The following GRAMD2B variants were observed in gnomAD, a reference collection of about 807,000 sequenced individuals.
The protein encoded by GRAMD2B is GRAM domain containing 2B, also known as GRAM domain-containing protein 2B.
In GRAMD2B, 41 loss-of-function variants were observed where a neutral mutation model predicts 59.2. That is an observed-to-expected ratio of 0.69 (90% CI 0.54 to 0.90). The LOEUF (loss-of-function observed/expected upper bound fraction) is 0.90, where lower values mean the gene tolerates loss of function less well. GRAMD2B is among the 40% of genes least tolerant of loss of function. GRAMD2B has a pLI of 0.00. For synonymous variants in GRAMD2B, 161 were observed against 182.7 expected (o/e 0.88, Z 0.96); for missense variants, 424 against 500.5 (o/e 0.85, Z 1.46).
At chr5:126,378,344 G>C (rs1580702376) in intron 1 of GRAMD2B, among the ~76,000 whole-genome samples, 1 of 152,292 alleles carries the variant, frequency 6.6e-6, no homozygotes, top group South Asian at 2.1e-4. Context: ...TGTAGAATAT[G>C]TCAGACAGTT....
chr5:126,370,635 T>C (rs1273859923), upstream of GRAMD2B, among the ~76,000 whole-genome samples: 1 of 152,228 alleles, frequency 6.6e-6, no homozygotes, highest in Non-Finnish European at 1.5e-5. Flanking sequence ...CTACTGCATA[T>C]TCTCCTACGT....
intron 1 of GRAMD2B, among the ~76,000 whole-genome samples, chr5:126,418,364 G>A (rs1396923322): frequency 6.6e-6 from 1 of 152,208 alleles, no homozygotes; most frequent in African/African-American, 2.4e-5. Context: ...TGAACTGGAA[G>A]AGTTTTTTTT....
rs189175651 is a variant in GRAMD2B at position 126,488,041 on chromosome 5, T to C, written c.1164-758T>C. Among the ~76,000 whole-genome samples, 2 of 152,366 alleles carry C rather than the reference T, an allele frequency of 1.3e-5. 1 individual carries two copies. Among genetic ancestry groups the C allele is most frequent in the Admixed American group, 1.3e-4 (2 of 15,306 alleles). On this transcript the variant is annotated intron_variant, in intron 12 of 13. Coordinates refer to ENST00000285689, the MANE Select transcript of GRAMD2B (RefSeq NM_023927.4). ...GGTCTGAGCTCTATACTTTGAGAAA[T>C]ACTGTGTTATACCATTCTAGGACCT... is the stretch of plus-strand genomic sequence containing the variant.
At chr5:126,377,627 G>C (rs1314799970) in intron 1 of GRAMD2B, among the ~76,000 whole-genome samples, 2 of 152,180 alleles carry the variant, frequency 1.3e-5, no homozygotes, top group Non-Finnish European at 2.9e-5. Context: ...GGTATTTGTG[G>C]AATCTATTTG....
At chr5:126,448,724 T>TACA (rs932771938) in intron 1 of GRAMD2B, among the ~76,000 whole-genome samples, 2 of 152,132 alleles carry the variant, frequency 1.3e-5, no homozygotes, top group African/African-American at 4.8e-5. Flanking sequence ...AGGTAAAGTC[T>TACA]ACAGGTCTTG....
intron 1 of GRAMD2B, among the ~76,000 whole-genome samples, chr5:126,399,988 C>T (rs1757685904): frequency 6.6e-6 from 1 of 151,888 alleles, no homozygotes. Context: ...ATCAATAATA[C>T]AGGACTCATT....
At chr5:126,450,140 T>C (rs965727514) in intron 1 of GRAMD2B, among the ~76,000 whole-genome samples, 2 of 152,030 alleles carry the variant, frequency 1.3e-5, no homozygotes. Flanking sequence ...GCTGTAGTTA[T>C]CGTAGATGCC....
At chr5:126,361,130 C>A (rs1474411241) in intron 1 of GRAMD2B, among the ~76,000 whole-genome samples, 1 of 152,122 alleles carries the variant, frequency 6.6e-6, no homozygotes, top group Non-Finnish European at 1.5e-5. Context: ...ATTATTCTGA[C>A]TATAATTGCT....
Position 126,492,902 on chromosome 5 carries a change from C to T in GRAMD2B, c.1258-13C>T, listed in dbSNP as rs780554561. On this transcript the variant is annotated splice_polypyrimidine_tract_variant and intron_variant, in intron 13 of 13. Transcript: ENST00000285689. The stretch of plus-strand genomic sequence containing the variant: ...CTATTTAATAATAGGAACTTCTTTT[C>T]TTTTATTTCAAGATACAAAATAACT... The T allele has an allele frequency of 1.9e-6, 3 of 1,576,128 alleles. No homozygotes were observed. In the African/African-American group the frequency reaches 4.0e-5, roughly 21 times the overall value.
At chr5:126,360,548 C>G in intron 1 of GRAMD2B, 1 of 1,264,908 alleles carries the variant, frequency 7.9e-7, no homozygotes, top group Non-Finnish European at 1.1e-6. Flanking sequence ...ATCTTAAGGA[C>G]AGAGTGTCTC....
At chr5:126,448,413 A>G (rs914711447) in intron 1 of GRAMD2B, among the ~76,000 whole-genome samples, 28 of 152,136 alleles carry the variant, frequency 1.8e-4, no homozygotes, top group Admixed American at 1.5e-3. Flanking sequence ...GTTCAAAGCC[A>G]GAAAGGGAGG....
intron 1 of GRAMD2B, among the ~76,000 whole-genome samples, chr5:126,411,964 T>C (rs1307413527): frequency 6.6e-6 from 1 of 152,060 alleles, no homozygotes; most frequent in Non-Finnish European, 1.5e-5. Context: ...TGATTTTGTA[T>C]CCTGAAACTT....
intron 1 of GRAMD2B, among the ~76,000 whole-genome samples, chr5:126,379,790 GTACATTCTGGA>G (rs1263541299): frequency 1.3e-5 from 2 of 152,078 alleles, no homozygotes; most frequent in African/African-American, 2.4e-5. Context: ...TGATTTCCTT[GTACATTCTGGA>G]TATCAGTCCT....
intron 13 of GRAMD2B, among the ~76,000 whole-genome samples, chr5:126,490,859 A>G (rs569632188): frequency 9.7e-4 from 148 of 152,256 alleles, no homozygotes; most frequent in African/African-American, 3.5e-3. Context: ...CTGCTCTTTC[A>G]GTCATCCTCA....
chr5:126,394,207 A>C (rs546055846), intron 1 of GRAMD2B, among the ~76,000 whole-genome samples: 1 of 151,834 alleles, frequency 6.6e-6, no homozygotes, highest in African/African-American at 2.4e-5. Context: ...CCCGGGAGGC[A>C]GAGCTTGCAG....
chr5:126,486,984 C>T lies in GRAMD2B; in HGVS notation c.1163+7C>T, dbSNP rs769976498. 3 of 1,461,580 alleles carry T rather than the reference C, an allele frequency of 2.1e-6. No individual in the cohort carries two copies. Among genetic ancestry groups the T allele is most frequent in the African/African-American group, 1.4e-5 (1 of 71,674 alleles). 90.5% of individuals were successfully genotyped at this position (1,461,580 alleles called of 1,614,324 possible). A position where few individuals can be genotyped will look rare whatever the true frequency, so the allele number is the denominator to read the frequency against. On this transcript the variant is annotated splice_region_variant and intron_variant, in intron 12 of 13. Coordinates refer to ENST00000285689, the MANE Select transcript of GRAMD2B (RefSeq NM_023927.4). ...TGGACACCCATAATACTGAGTAAGA[C>T]GATTGCCTCTAGCTGTCATCTGCTT...
chr5:126,423,327 T>C (rs1759962976), upstream of GRAMD2B: 2 of 1,293,988 alleles, frequency 1.5e-6, no homozygotes, highest in African/African-American at 3.1e-5. Context: ...CTTCTCTGCC[T>C]CCTGGGTTGG....
chr5:126,436,081 G>T (rs995633961), intron 1 of GRAMD2B, among the ~76,000 whole-genome samples: 13 of 152,154 alleles, frequency 8.5e-5, no homozygotes, highest in Non-Finnish European at 1.5e-4. Context: ...TATACTTAAT[G>T]TCTGAAAATA....
chr5:126,426,991 T>C (rs1760723300), intron 1 of GRAMD2B, among the ~76,000 whole-genome samples: 1 of 152,204 alleles, frequency 6.6e-6, no homozygotes, highest in Non-Finnish European at 1.5e-5. Context: ...TTCTCCACTT[T>C]TATTACCTTT....
Sources: allele counts gnomAD v4.1 joint callset (sites outside exome capture counted in the v4.1 genomes callset), GRCh38; gene constraint gnomAD v4.1.1; transcripts MANE v1.5; gene names NCBI Gene and HGNC (gene_info 2026-07-23, HGNC 2026-07-21).